Variants in TNN observed in about 807,000 individuals in gnomAD.
The protein encoded by TNN is tenascin N.
Under a neutral mutation model 134.4 loss-of-function variants are expected in TNN, and 122 were observed. The ratio of observed to expected loss-of-function variants is 0.91; its 90% CI spans 0.78 to 1.06. TNN has a LOEUF of 1.06. Among genes scored for constraint, TNN ranks in the 50% least tolerant of loss-of-function variants. The probability of loss-of-function intolerance (pLI) is 0.00; values close to 1 mark genes in which losing one functional copy is unlikely to be tolerated. For synonymous variants in TNN, 710 were observed against 670.3 expected (o/e 1.06, Z -0.91); for missense variants, 1,739 against 1,699.4 (o/e 1.02, Z -0.41).
chr1:175,129,357 G>A (rs963327949), intron 15 of TNN, among the ~76,000 whole-genome samples: 2 of 151,864 alleles, frequency 1.3e-5, no homozygotes, highest in African/African-American at 4.8e-5. Flanking sequence ...AACTTTCTGG[G>A]AATGCAGCCC....
At chr1:175,080,839 G>A (rs1674182070) in intron 4 of TNN, among the ~76,000 whole-genome samples, 1 of 152,134 alleles carries the variant, frequency 6.6e-6, no homozygotes, top group Admixed American at 6.5e-5. Flanking sequence ...ACACAAATGG[G>A]GTAAATGAAA....
At position 175,102,675 on chromosome 1, in the gene TNN, C is replaced by T. The variant is rs1264881214; in HGVS notation, c.2119+4080C>T. 5.5e-5 allele frequency among the ~76,000 whole-genome samples: 8 copies of T among 145,894 alleles called. 2 individuals are homozygous for T. The highest frequency in any genetic ancestry group is 2.1e-4 in the Admixed American group (3 of 14,584). On this transcript the variant is annotated intron_variant, in intron 9 of 18. Transcript: ENST00000239462. ...CATGCGCAGCCCTGGTTCCCACTCG[C>T]GCCTCTCCCTCCACACCTCCCCGCA...
At chr1:175,071,583 C>T (rs1022700390) in intron 1 of TNN, among the ~76,000 whole-genome samples, 3 of 152,182 alleles carry the variant, frequency 2.0e-5, no homozygotes, top group Admixed American at 6.5e-5. Context: ...CATGGCAGAA[C>T]GGAGGACATC....
At chr1:175,078,181 A>G (rs1224350269) in intron 2 of TNN, among the ~76,000 whole-genome samples, 1 of 152,184 alleles carries the variant, frequency 6.6e-6, no homozygotes, top group Non-Finnish European at 1.5e-5. Flanking sequence ...TTGGAGCTAG[A>G]CAAGACAGGT....
chr1:175,101,090 G>A (rs565704263), intron 9 of TNN, among the ~76,000 whole-genome samples: 3 of 152,304 alleles, frequency 2.0e-5, no homozygotes, highest in African/African-American at 7.2e-5. Flanking sequence ...TCCGGAATTG[G>A]TGGGTTCTTG....
intron 9 of TNN, among the ~76,000 whole-genome samples, chr1:175,107,342 C>T (rs1331707854): frequency 1.4e-5 from 2 of 143,134 alleles, no homozygotes; most frequent in African/African-American, 5.0e-5. Flanking sequence ...TGGAGTCTGT[C>T]CCTTCTGATG....
chr1:175,119,695 C>T (rs908011935), intron 11 of TNN, among the ~76,000 whole-genome samples: 9 of 140,262 alleles, frequency 6.4e-5, no homozygotes, highest in East Asian at 4.3e-4. Flanking sequence ...AGTGCAGTGG[C>T]GCTATCTCGG....
In TNN at chr1:175,098,532, G is replaced by T; in HGVS notation, c.2056G>T (p.Val686Leu). ...TGLRPGMEYM[V>L]HVWAQKGDQE... is the part of the protein sequence containing the mutation. ...CCTGAGACCGGGTATGGAGTACATG[G>T]TGCACGTGTGGGCCCAGAAGGGGGA... The change falls in exon 9 of 19, where the codon GTG becomes TTG. Residue 686 changes from valine to leucine, a missense_variant. Coordinates refer to ENST00000239462, the MANE Select transcript of TNN (RefSeq NM_022093.2). The T allele has an allele frequency of 6.2e-7, 1 of 1,614,178 alleles. No individual in the cohort carries two copies. The highest frequency in any genetic ancestry group is 8.5e-7 in the Non-Finnish European group (1 of 1,180,028).
Position 175,093,932 on chromosome 1 carries a change from T to C in TNN, c.1325-58T>C, listed in dbSNP as rs1674507251. ...GGTGAACTAGATCTTTAACAATCTATGATCTTGACTAACCAACTGGTTTCT... is the reference window on the plus strand; with the variant it reads ...GGTGAACTAGATCTTTAACAATCTACGATCTTGACTAACCAACTGGTTTCT... On this transcript the variant is annotated intron_variant, in intron 6 of 18. Coordinates refer to ENST00000239462, the MANE Select transcript of TNN (RefSeq NM_022093.2). 9.1e-6 allele frequency: 14 copies of C among 1,542,002 alleles called. No homozygotes were observed. The South Asian group carries it at 1.5e-4, about 16-fold the overall frequency.
intron 6 of TNN, among the ~76,000 whole-genome samples, chr1:175,093,410 T>G (rs56383990): frequency 0.011 from 1,736 of 152,350 alleles, 30 homozygotes; most frequent in African/African-American, 0.04. Context: ...TTTTGACTGT[T>G]TTGCTCATTG....
At chr1:175,134,711 C>T (rs1443068532) in intron 15 of TNN, among the ~76,000 whole-genome samples, 2 of 152,156 alleles carry the variant, frequency 1.3e-5, no homozygotes, top group Admixed American at 6.5e-5. Flanking sequence ...TTCAGTTCCA[C>T]ATTCTGTCAC....
chr1:175,119,294 T>C (rs1444912651), intron 11 of TNN, among the ~76,000 whole-genome samples: 1 of 152,254 alleles, frequency 6.6e-6, no homozygotes, highest in Non-Finnish European at 1.5e-5. Flanking sequence ...GGTGACTTCC[T>C]GACATTGCCT....
chr1:175,108,537 C>T (rs975699812), intron 9 of TNN, among the ~76,000 whole-genome samples: 4 of 152,270 alleles, frequency 2.6e-5, no homozygotes, highest in Non-Finnish European at 4.4e-5. Flanking sequence ...GCTCGGGCTG[C>T]ACAGGAACCC....
chr1:175,072,019 A>C (rs1405809947), intron 1 of TNN, among the ~76,000 whole-genome samples: 1 of 152,218 alleles, frequency 6.6e-6, no homozygotes, highest in Non-Finnish European at 1.5e-5. Context: ...AGAAACACGC[A>C]TACAGATTTG....
chr1:175,100,161 C>G (rs1387347390), intron 9 of TNN, among the ~76,000 whole-genome samples: 2 of 152,224 alleles, frequency 1.3e-5, no homozygotes, highest in Admixed American at 1.3e-4. Flanking sequence ...GTATGATTCC[C>G]CAAGCTTTGG....
chr1:175,124,393 A>G (rs960526425), intron 12 of TNN, among the ~76,000 whole-genome samples: 2 of 152,214 alleles, frequency 1.3e-5, no homozygotes, highest in Non-Finnish European at 2.9e-5. Flanking sequence ...AAAACAAAAC[A>G]AAAACGGCCA....
intron 9 of TNN, among the ~76,000 whole-genome samples, chr1:175,115,306 G>A (rs897630124): frequency 1.5e-4 from 23 of 150,686 alleles, no homozygotes; most frequent in Non-Finnish European, 3.3e-4. Context: ...TCTGCCAAAA[G>A]CATTGTTCCC....
intron 11 of TNN, 46 bp from the exon 12 acceptor site, chr1:175,123,354 C>A (rs756451938): frequency 1.2e-6 from 2 of 1,601,320 alleles, no homozygotes. Context: ...GATGCGATGT[C>A]TTCCTTTGTT....
intron 1 of TNN, among the ~76,000 whole-genome samples, chr1:175,072,110 G>A (rs1309707240): frequency 6.6e-6 from 1 of 152,204 alleles, no homozygotes; most frequent in Non-Finnish European, 1.5e-5. Flanking sequence ...GAAGCATAGA[G>A]CCCTGCAACA....
Sources: gnomAD v4.1 joint callset for allele counts (sites outside exome capture counted in the v4.1 genomes callset) on GRCh38, gnomAD v4.1.1 for gene constraint, MANE v1.5 for transcripts, NCBI Gene and HGNC (gene_info 2026-07-23, HGNC 2026-07-21) for gene names.